The following GRID1 variants were observed in gnomAD, a reference collection of about 807,000 sequenced individuals.
The protein encoded by GRID1 is glutamate receptor ionotropic, delta-1.
A neutral mutation model predicts 98.0 loss-of-function variants in GRID1; 28 were observed. That is an observed-to-expected ratio of 0.29 (90% CI 0.21 to 0.39). GRID1 has a LOEUF of 0.39. GRID1 is among the 10% of genes least tolerant of loss of function. GRID1 has a pLI of 1.00. For synonymous variants in GRID1, 553 were observed against 538.5 expected (o/e 1.03, Z -0.37); for missense variants, 1,111 against 1,340.5 (o/e 0.83, Z 2.67).
chr10:86,365,897 C>CG lies in GRID1; in HGVS notation c.79+416dup, dbSNP rs1848669544. Reference sequence around the variant, plus strand: ...ACCCACACACATTCACACACGGTTCCGGTCCGGCCTCTTTGATCTTGCCCT... The same window carrying CG: ...ACCCACACACATTCACACACGGTTCCGGGTCCGGCCTCTTTGATCTTGCCCT... On this transcript the variant is annotated intron_variant, in intron 1 of 15. Coordinates refer to ENST00000327946, the MANE Select transcript of GRID1 (RefSeq NM_017551.3). The surrounding 1 kb of genome is among the most constrained non-coding windows in gnomAD (Gnocchi z 4.8). Among the ~76,000 whole-genome samples the CG allele has an allele frequency of 6.6e-6, 1 of 151,680 alleles. No homozygotes were observed. The highest frequency in any genetic ancestry group is 2.1e-4 in the South Asian group (1 of 4,792).
chr10:86,302,765 G>A (rs1182996059), intron 2 of GRID1, among the ~76,000 whole-genome samples: 1 of 152,222 alleles, frequency 6.6e-6, no homozygotes, highest in East Asian at 1.9e-4. Flanking sequence ...CAATGTCATA[G>A]GAAAGAAAGG....
At chr10:86,243,018 C>T (rs1846663260) in intron 2 of GRID1, among the ~76,000 whole-genome samples, 1 of 152,146 alleles carries the variant, frequency 6.6e-6, no homozygotes, top group East Asian at 1.9e-4. Context: ...AGCTTCCTCG[C>T]CTGTAAAACA....
chr10:85,715,656 G>T (rs1841630125), intron 12 of GRID1, among the ~76,000 whole-genome samples: 1 of 152,070 alleles, frequency 6.6e-6, no homozygotes, highest in African/African-American at 2.4e-5. Flanking sequence ...AAACTACAAT[G>T]AGGTATCACC....
intron 13 of GRID1, among the ~76,000 whole-genome samples, chr10:85,624,826 AC>A (rs536268065): frequency 2.0e-5 from 3 of 152,318 alleles, no homozygotes; most frequent in African/African-American, 7.2e-5. Context: ...CGAAAAAGTA[AC>A]CTAAATATAT....
At chr10:85,895,854 T>C (rs1841286078) in intron 5 of GRID1, among the ~76,000 whole-genome samples, 1 of 152,084 alleles carries the variant, frequency 6.6e-6, no homozygotes, top group Non-Finnish European at 1.5e-5. Flanking sequence ...CCAAAAATGC[T>C]CAGCCACAAG....
At position 85,619,844 on chromosome 10, in the gene GRID1, G is replaced by A. The variant is rs760983140; in HGVS notation, c.2360+23C>T. 7 of 1,599,704 alleles carry A rather than the reference G, an allele frequency of 4.4e-6. No individual in the cohort carries two copies. In the African/African-American group the frequency reaches 9.4e-5, roughly 21 times the overall value. On this transcript the variant is annotated intron_variant, in intron 14 of 15. Coordinates refer to ENST00000327946, the MANE Select transcript of GRID1 (RefSeq NM_017551.3). ...CCACTAGAGTCCTGAGGCAGCGGTA[G>A]TTACCTTGCTGCCCAAGCCTACCTC...
chr10:85,687,783 G>A (rs1435398784), intron 12 of GRID1, among the ~76,000 whole-genome samples: 1 of 152,184 alleles, frequency 6.6e-6, no homozygotes. Flanking sequence ...ATTTAAGGAA[G>A]AGCAGGCTTT....
chr10:85,809,074 T>C (rs1472975772), intron 8 of GRID1, among the ~76,000 whole-genome samples: 1 of 152,034 alleles, frequency 6.6e-6, no homozygotes, highest in Non-Finnish European at 1.5e-5. Context: ...CAGTCGAGAA[T>C]TGTAAAATAA....
At chr10:86,338,376 C>G (rs1482197459) in intron 2 of GRID1, among the ~76,000 whole-genome samples, 3 of 152,176 alleles carry the variant, frequency 2.0e-5, no homozygotes, top group Admixed American at 2.0e-4. Flanking sequence ...TGGAAGGAGC[C>G]TGTACAAAAT....
chr10:85,661,708 C>T lies in GRID1; in HGVS notation c.1998-14311G>A, dbSNP rs1479022266. Among the ~76,000 whole-genome samples, 4 of 152,286 alleles carry T rather than the reference C, an allele frequency of 2.6e-5. No homozygotes were observed. The East Asian group carries it at 7.7e-4, about 29-fold the overall frequency. ...AGGCACTAGCTCAGGTCACTATGGGCTTTTCTGACTCTTAACAACATAATA... is the reference window on the plus strand; with the variant it reads ...AGGCACTAGCTCAGGTCACTATGGGTTTTTCTGACTCTTAACAACATAATA... On this transcript the variant is annotated intron_variant, in intron 12 of 15. Coordinates refer to ENST00000327946, the MANE Select transcript of GRID1 (RefSeq NM_017551.3).
At chr10:85,919,748 T>C (rs559503949) in intron 4 of GRID1, among the ~76,000 whole-genome samples, 40 of 152,318 alleles carry the variant, frequency 2.6e-4, no homozygotes, top group African/African-American at 7.5e-4. Context: ...GCAGAGTACA[T>C]TGGAATCCCA....
intron 4 of GRID1, among the ~76,000 whole-genome samples, chr10:85,986,013 G>A (rs1842604226): frequency 1.3e-5 from 2 of 152,226 alleles, no homozygotes; most frequent in Admixed American, 1.3e-4. Flanking sequence ...TGGAGACAAA[G>A]CAAGAAGTTG....
At chr10:85,760,245 T>C (rs1180953091) in intron 8 of GRID1, among the ~76,000 whole-genome samples, 1 of 152,236 alleles carries the variant, frequency 6.6e-6, no homozygotes, top group African/African-American at 2.4e-5. Context: ...TTTTGACCTA[T>C]ATAAATGGCA....
At chr10:85,655,934 T>A (rs1271926868) in intron 12 of GRID1, among the ~76,000 whole-genome samples, 1 of 152,088 alleles carries the variant, frequency 6.6e-6, no homozygotes, top group Non-Finnish European at 1.5e-5. Context: ...ATTATTTCTC[T>A]CTGCAGATCA....
At chr10:85,800,339 C>T (rs186333426) in intron 8 of GRID1, among the ~76,000 whole-genome samples, 208 of 151,948 alleles carry the variant, frequency 1.4e-3, no homozygotes, top group Non-Finnish European at 2.7e-3. Flanking sequence ...AATACAGTCC[C>T]GAAACTGGAT....
chr10:85,737,497 C>T (rs1429251488), intron 8 of GRID1, among the ~76,000 whole-genome samples: 1 of 151,578 alleles, frequency 6.6e-6, no homozygotes, highest in African/African-American at 2.4e-5. Flanking sequence ...TGGGCTCACA[C>T]AGGATAAAAG....
chr10:85,679,925 C>G (rs1228999663), intron 12 of GRID1, among the ~76,000 whole-genome samples: 1 of 152,128 alleles, frequency 6.6e-6, no homozygotes, highest in Non-Finnish European at 1.5e-5. Flanking sequence ...CATGATGGGC[C>G]TAGGGAGAGG....
At chr10:86,302,952 C>T (rs1357826886) in intron 2 of GRID1, among the ~76,000 whole-genome samples, 2 of 152,198 alleles carry the variant, frequency 1.3e-5, no homozygotes, top group Non-Finnish European at 2.9e-5. Flanking sequence ...CTGACAAACA[C>T]TCGTCTAAAT....
chr10:85,708,115 A>T (rs1414056902), intron 12 of GRID1, among the ~76,000 whole-genome samples: 27 of 77,400 alleles, frequency 3.5e-4, no homozygotes, highest in African/African-American at 6.2e-4. Flanking sequence ...AAGTATAATA[A>T]AAAAAAAAAA....
Sources: allele counts gnomAD v4.1 joint callset (sites outside exome capture counted in the v4.1 genomes callset), GRCh38; gene constraint gnomAD v4.1.1; non-coding constraint Gnocchi (gnomAD v3.1); transcripts MANE v1.5; gene names NCBI Gene and HGNC (gene_info 2026-07-23, HGNC 2026-07-21).